The following MARCHF1 variants were observed in gnomAD, a reference collection of about 807,000 sequenced individuals.
The protein encoded by MARCHF1 is E3 ubiquitin-protein ligase MARCHF1.
Under a neutral mutation model 54.2 loss-of-function variants are expected in MARCHF1, and 40 were observed. That is an observed-to-expected ratio of 0.74 (90% CI 0.57 to 0.96). The LOEUF (loss-of-function observed/expected upper bound fraction) is 0.96. MARCHF1 is among the 40% of genes least tolerant of loss of function. The pLI, the probability that MARCHF1 is intolerant of heterozygous loss-of-function variation, is 0.00. For missense variants in MARCHF1, 586 were observed against 656.5 expected, an observed-to-expected ratio of 0.89 and a Z score of 1.17; for synonymous variants, 236 against 236.3, an observed-to-expected ratio of 1.00 and a Z score of 0.01.
At chr4:163,954,989 C>G (rs142554772) in intron 3 of MARCHF1, among the ~76,000 whole-genome samples, 5 of 151,986 alleles carry the variant, frequency 3.3e-5, no homozygotes, top group African/African-American at 7.2e-5. Flanking sequence ...TCCGGGAAAC[C>G]AATTCCAGAT....
At chr4:163,802,099 C>T (rs976548699) in intron 4 of MARCHF1, among the ~76,000 whole-genome samples, 2 of 149,432 alleles carry the variant, frequency 1.3e-5, no homozygotes, top group African/African-American at 4.9e-5. Context: ...ACTTCTCATT[C>T]AATTCAACAT....
rs559903929 is a variant in MARCHF1 at position 164,004,548 on chromosome 4, T to C, written c.-247-15839A>G. 1.4e-4 allele frequency among the ~76,000 whole-genome samples: 21 copies of C among 152,198 alleles called. No individual in the cohort carries two copies. The South Asian group carries it at 3.3e-3, about 24-fold the overall frequency. On this transcript the variant is annotated intron_variant, in intron 2 of 9. Transcript: ENST00000514618. ...AATGACTGCAGAATAGAAATTATTT[T>C]ATCAAGTGAAAATAAAATATTCACA...
intron 7 of MARCHF1, 132 bp from the exon 8 acceptor site, chr4:163,586,061 C>G: frequency 1.4e-6 from 1 of 693,884 alleles, no homozygotes; most frequent in Non-Finnish European, 2.2e-6. Context: ...ACATTTTACT[C>G]CAACTTTGAT....
At chr4:163,755,525 C>T (rs1055637882) in intron 4 of MARCHF1, among the ~76,000 whole-genome samples, 4 of 152,130 alleles carry the variant, frequency 2.6e-5, no homozygotes, top group African/African-American at 9.7e-5. Context: ...AAACTTAACC[C>T]CAGCAGTGAA....
At chr4:163,936,411 C>T (rs1341362557) in intron 3 of MARCHF1, among the ~76,000 whole-genome samples, 1 of 152,142 alleles carries the variant, frequency 6.6e-6, no homozygotes, top group Non-Finnish European at 1.5e-5. Flanking sequence ...AAAAGTGAAC[C>T]TCAACAAAAT....
intron 1 of MARCHF1, among the ~76,000 whole-genome samples, chr4:164,313,348 CAA>C (rs553280791): frequency 7.5e-5 from 6 of 80,216 alleles, no homozygotes; most frequent in African/African-American, 9.4e-5. Context: ...GACTCTGTCT[CAA>C]AAAAAAAAAA....
Position 164,183,992 on chromosome 4 carries a change from G to A in MARCHF1, c.-322-72330C>T, listed in dbSNP as rs545338957. ...ATGAAAGTGCTCCAGGAAGAGGTTC[G>A]CTTTAGAACATTCCAGCCTCTTGGA... is the stretch of plus-strand genomic sequence containing the variant. On this transcript the variant is annotated intron_variant, in intron 1 of 9. Coordinates refer to ENST00000514618, the MANE Select transcript of MARCHF1 (RefSeq NM_001394959.1). Among the ~76,000 whole-genome samples, 14 of 152,262 alleles carry A rather than the reference G, an allele frequency of 9.2e-5. 1 individual carries two copies. The South Asian group carries it at 2.1e-3, about 23-fold the overall frequency.
At chr4:164,190,928 G>C (rs1731107341) in intron 1 of MARCHF1, among the ~76,000 whole-genome samples, 1 of 152,174 alleles carries the variant, frequency 6.6e-6, no homozygotes, top group Non-Finnish European at 1.5e-5. Flanking sequence ...TTAGTATCAA[G>C]AAGCAATTGT....
chr4:164,287,369 G>A lies in MARCHF1; in HGVS notation c.-323+96501C>T, dbSNP rs531026644. Among the ~76,000 whole-genome samples, 12 of 152,254 alleles carry A rather than the reference G, an allele frequency of 7.9e-5. No individual in the cohort carries two copies. In the East Asian group the frequency reaches 2.3e-3, roughly 29 times the overall value. On this transcript the variant is annotated intron_variant, in intron 1 of 9. Coordinates refer to ENST00000514618, the MANE Select transcript of MARCHF1 (RefSeq NM_001394959.1). ...TCCTTGCCTGTCACTCCAAAGGACA[G>A]CCTCCAGGATAAGTTAATGGCAATA... is the stretch of plus-strand genomic sequence containing the variant.
At chr4:164,297,681 CT>C in intron 1 of MARCHF1, among the ~76,000 whole-genome samples, 1 of 39,772 alleles carries the variant, frequency 2.5e-5, no homozygotes. Context: ...TGCAGTTTAA[CT>C]AGTAGTAATG....
intron 1 of MARCHF1, among the ~76,000 whole-genome samples, chr4:164,257,461 TTG>T (rs1485184923): frequency 1.3e-5 from 2 of 148,514 alleles, no homozygotes; most frequent in African/African-American, 5.0e-5. Flanking sequence ...ATCGTCAGTT[TTG>T]TTTCATTCTT....
intron 4 of MARCHF1, among the ~76,000 whole-genome samples, chr4:163,763,731 A>T (rs1456249086): frequency 6.6e-6 from 1 of 152,116 alleles, no homozygotes; most frequent in Admixed American, 6.6e-5. Flanking sequence ...AGGCTGTGGT[A>T]GTAAGAACTC....
At chr4:164,007,874 C>T (rs941675762) in intron 2 of MARCHF1, among the ~76,000 whole-genome samples, 2 of 152,182 alleles carry the variant, frequency 1.3e-5, no homozygotes. Context: ...AAAAAAATCA[C>T]TTATCCATAA....
intron 7 of MARCHF1, among the ~76,000 whole-genome samples, chr4:163,599,823 A>C (rs1454706962): frequency 6.6e-6 from 1 of 152,166 alleles, no homozygotes; most frequent in Non-Finnish European, 1.5e-5. Context: ...CAGGGACTCT[A>C]CTTAGAGAAC....
At chr4:163,764,301 C>A (rs1746912805) in intron 4 of MARCHF1, among the ~76,000 whole-genome samples, 1 of 151,924 alleles carries the variant, frequency 6.6e-6, no homozygotes, top group Non-Finnish European at 1.5e-5. Context: ...GACAGAAGAG[C>A]CATTTAATAA....
In MARCHF1 at chr4:164,083,405, C is replaced by T. The variant is rs190600649; in HGVS notation, c.-248+28183G>A. 6.3e-4 allele frequency among the ~76,000 whole-genome samples: 96 copies of T among 151,946 alleles called. 1 individual carries two copies. Among genetic ancestry groups the T allele is most frequent in the African/African-American group, 2.2e-3 (93 of 41,460 alleles). On this transcript the variant is annotated intron_variant, in intron 2 of 9. Coordinates refer to ENST00000514618, the MANE Select transcript of MARCHF1 (RefSeq NM_001394959.1). Reference sequence around the variant, plus strand: ...TCTTGTCACATGTTTTCTAAAGAAGCATTTCAAAGGTGAGTGCTGCTGTGA... The same window carrying T: ...TCTTGTCACATGTTTTCTAAAGAAGTATTTCAAAGGTGAGTGCTGCTGTGA...
chr4:163,703,107 T>G (rs1009709009), intron 4 of MARCHF1, among the ~76,000 whole-genome samples: 1 of 152,172 alleles, frequency 6.6e-6, no homozygotes, highest in African/African-American at 2.4e-5. Context: ...ACAAATGAGT[T>G]ATAAATGAAA....
chr4:164,383,208 G>A (rs1199718190), intron 1 of MARCHF1: 3 of 152,264 alleles, frequency 2.0e-5, no homozygotes, highest in Admixed American at 1.3e-4. Flanking sequence ...GGACCCTCCT[G>A]GCGTCTTAAG....
chr4:163,690,658 A>G (rs1296873451), intron 5 of MARCHF1, among the ~76,000 whole-genome samples: 2 of 152,176 alleles, frequency 1.3e-5, no homozygotes, highest in East Asian at 1.9e-4. Flanking sequence ...CAATTTAAGG[A>G]CCATATTACT....
Sources: gnomAD v4.1 joint callset for allele counts (sites outside exome capture counted in the v4.1 genomes callset) on GRCh38, gnomAD v4.1.1 for gene constraint, MANE v1.5 for transcripts, NCBI Gene and HGNC (gene_info 2026-07-23, HGNC 2026-07-21) for gene names.